CAMKK2: variants seen among roughly 807,000 people sequenced by gnomAD.
CAMKK2 encodes the protein calcium/calmodulin-dependent protein kinase kinase 2.
A neutral mutation model predicts 67.2 loss-of-function variants in CAMKK2; 30 were observed. The observed-to-expected ratio is 0.45, with a 90% CI of 0.33 to 0.61. The LOEUF is 0.61. Ranked by LOEUF, CAMKK2 falls within the 20% of genes least tolerant of loss-of-function variation. The pLI, the probability that CAMKK2 is intolerant of heterozygous loss-of-function variation, is 0.02. For synonymous variants in CAMKK2, 322 were observed against 326.2 expected (o/e 0.99, Z 0.14); for missense variants, 643 against 802.0 (o/e 0.80, Z 2.39).
intron 16 of CAMKK2, chr12:121,244,189 G>A: frequency 6.4e-7 from 1 of 1,572,578 alleles, no homozygotes; most frequent in Non-Finnish European, 8.7e-7. Context: ...GAGCCACACA[G>A]TGCAGCATGC....
intron 16 of CAMKK2, chr12:121,244,018 G>A: frequency 1.3e-6 from 2 of 1,559,164 alleles, no homozygotes; most frequent in Non-Finnish European, 1.7e-6. Flanking sequence ...CACCTGGGCT[G>A]GCTATGTGTA....
chr12:121,251,846 A>G lies in CAMKK2; in HGVS notation c.1161+815T>C, dbSNP rs868678657. On this transcript the variant is annotated intron_variant, in intron 11 of 16. Coordinates refer to ENST00000404169, the MANE Select transcript of CAMKK2 (RefSeq NM_001270485.2). ...CATCTCAAAAAAAAAAAAAAAAAAA[A>G]TAGAGAGAGAAGCCCCCAGATATCA... Among the ~76,000 whole-genome samples, 14 of 138,786 alleles carry G rather than the reference A, an allele frequency of 1.0e-4. No homozygotes were observed. In the South Asian group the frequency reaches 2.7e-3, roughly 27 times the overall value. The allele number at this position is 138,786 out of a possible 152,430, so 91.0% of individuals were successfully genotyped here.
At chr12:121,244,018 GGC>G in intron 16 of CAMKK2, 3 of 1,559,164 alleles carry the variant, frequency 1.9e-6, no homozygotes, top group Non-Finnish European at 2.6e-6. Context: ...CACCTGGGCT[GGC>G]TATGTGTATG....
chr12:121,240,354 A>G lies in CAMKK2; in HGVS notation c.*345T>C, dbSNP rs1414426067. The G allele has an allele frequency of 1.6e-6, 2 of 1,282,286 alleles. No individual in the cohort carries two copies. The highest frequency in any genetic ancestry group is 2.1e-6 in the Non-Finnish European group (2 of 938,398). The allele number at this position is 1,282,286 out of a possible 1,614,324, so 79.4% of individuals were successfully genotyped here. A position where few individuals can be genotyped will look rare whatever the true frequency, so the allele number is the denominator to read the frequency against. On this transcript the variant is annotated 3_prime_UTR_variant, in exon 17 of 17. Transcript: ENST00000404169. The surrounding 1 kb of genome is among the most constrained non-coding windows in gnomAD (Gnocchi z 4.4). ...TCCACAGTTGTCAAACCCCACACAC[A>G]GTCACTTGGTATATCTGACGTGGTT... is the stretch of plus-strand genomic sequence containing the variant.
intron 1 of CAMKK2, among the ~76,000 whole-genome samples, chr12:121,289,930 G>C (rs187172209): frequency 4.6e-5 from 7 of 151,264 alleles, no homozygotes; most frequent in Non-Finnish European, 7.4e-5. Flanking sequence ...GGGGAGCCAA[G>C]GGAGGCCTAA....
chr12:121,250,330 AAC>A (rs1406490342), intron 11 of CAMKK2, among the ~76,000 whole-genome samples: 1 of 152,150 alleles, frequency 6.6e-6, no homozygotes, highest in African/African-American at 2.4e-5. Context: ...CACCAAAGCA[AAC>A]ACTGCTCGTC....
intron 11 of CAMKK2, among the ~76,000 whole-genome samples, chr12:121,251,782 G>A (rs993162806): frequency 3.9e-4 from 54 of 139,374 alleles, no homozygotes; most frequent in Admixed American, 7.6e-4. Context: ...AGCCGAGATC[G>A]CACCACTACA....
chr12:121,244,619 G>C lies in CAMKK2; in HGVS notation c.1554-4C>G, dbSNP rs1164209562. 2 of 1,562,236 alleles carry C rather than the reference G, an allele frequency of 1.3e-6. No homozygotes were observed. Among genetic ancestry groups the C allele is most frequent in the Non-Finnish European group, 1.7e-6 (2 of 1,152,634 alleles). The stretch of plus-strand genomic sequence containing the variant: ...ACATTCCCTGGTTGGTTTTTTGCTG[G>C]AATCACCAGAGGGAGGGAAAAGGGA... On this transcript the variant is annotated splice_polypyrimidine_tract_variant and splice_region_variant and intron_variant, in intron 15 of 16. Coordinates refer to ENST00000404169, the MANE Select transcript of CAMKK2 (RefSeq NM_001270485.2).
chr12:121,256,959 TATTTA>T (rs1892417075), intron 7 of CAMKK2, among the ~76,000 whole-genome samples: 1 of 152,072 alleles, frequency 6.6e-6, no homozygotes. Flanking sequence ...GTGGTATAGT[TATTTA>T]ATTTGATTCT....
rs574486426 is a variant in CAMKK2 at position 121,240,551 on chromosome 12, C to T, written c.*148G>A. 1.3e-4 allele frequency: 196 copies of T among 1,510,942 alleles called. 2 individuals are homozygous for T. In the South Asian group the frequency reaches 2.3e-3, roughly 18 times the overall value. The allele number at this position is 1,510,942 out of a possible 1,614,324, so 93.6% of individuals were successfully genotyped here. A position where few individuals can be genotyped will look rare whatever the true frequency, so the allele number is the denominator to read the frequency against. On this transcript the variant is annotated 3_prime_UTR_variant, in exon 17 of 17. Coordinates refer to ENST00000404169, the MANE Select transcript of CAMKK2 (RefSeq NM_001270485.2). The surrounding 1 kb of genome is among the most constrained non-coding windows in gnomAD (Gnocchi z 4.4). ...TTTTTTTTTTTTGTCCCCTTTAAAA[C>T]AACAAAGGAAAAAACAAATAACCAG...
In CAMKK2 at chr12:121,296,431, G is replaced by C. The variant is rs1901222242; in HGVS notation, c.-60+207C>G. Among the ~76,000 whole-genome samples the C allele has an allele frequency of 6.6e-6, 1 of 152,300 alleles. No individual in the cohort carries two copies. The highest frequency in any genetic ancestry group is 1.9e-4 in the East Asian group (1 of 5,160). Reference sequence around the variant, plus strand: ...CCCAGGGCGCCCAGAGGACGCGGGGGAAGGGCTGTCGGGGACCGTGTCCCT... The same window carrying C: ...CCCAGGGCGCCCAGAGGACGCGGGGCAAGGGCTGTCGGGGACCGTGTCCCT... On this transcript the variant is annotated intron_variant, in intron 1 of 16. Coordinates refer to ENST00000404169, the MANE Select transcript of CAMKK2 (RefSeq NM_001270485.2). The surrounding 1 kb of genome is among the most constrained non-coding windows in gnomAD (Gnocchi z 7.1).
rs1891190076 is a variant in CAMKK2 at position 121,253,407 on chromosome 12, GC to G, written c.972del (p.His325ThrfsTer9). On this transcript the variant is annotated frameshift_variant, in exon 10 of 17. Transcript: ENST00000404169. LOFTEE classifies it high-confidence loss of function. This position sits in a 1 kb window ranked among gnomAD's most constrained non-coding sequence, Gnocchi z 5.0. The stretch of plus-strand genomic sequence containing the variant: ...ACACCAAAGTCAGCGATCTTGATGT[GC>G]CCATCTTCTCCGACCAGGAGGTTGG... Reference protein sequence around the residue: ...KPSNLLVGEDGHIKIADFGVS... With the variant: ...KPSNLLVGEDXHIKIADFGVS... 6.2e-7 allele frequency: 1 copy of G among 1,614,038 alleles called. No individual in the cohort carries two copies. Among genetic ancestry groups the G allele is most frequent in the Non-Finnish European group, 8.5e-7 (1 of 1,180,026 alleles).
intron 13 of CAMKK2, among the ~76,000 whole-genome samples, chr12:121,249,417 T>C (rs538927028): frequency 6.6e-6 from 1 of 152,278 alleles, no homozygotes; most frequent in Non-Finnish European, 1.5e-5. Flanking sequence ...TGCTCATTAA[T>C]TTCCTCCCAT....
Position 121,264,036 on chromosome 12 carries a change from A to ATGCCAAAAGGTGGGAT in CAMKK2, c.626-98_626-97insATCCCACCTTTTGGCA. The ATGCCAAAAGGTGGGAT allele has an allele frequency of 1.2e-5, 15 of 1,262,058 alleles. No individual in the cohort carries two copies. In the African/African-American group the frequency reaches 2.0e-4, roughly 17 times the overall value. 78.2% of individuals were successfully genotyped at this position (1,262,058 alleles called of 1,614,324 possible). A position where few individuals can be genotyped will look rare whatever the true frequency, so the allele number is the denominator to read the frequency against. On this transcript the variant is annotated intron_variant, in intron 5 of 16. Coordinates refer to ENST00000404169, the MANE Select transcript of CAMKK2 (RefSeq NM_001270485.2). ...GATGCCAAAAGGTGGGATGCCAAAA[A>ATGCCAAAAGGTGGGAT]GCCACTCTGCAGGGCTGGAGTGGCT... is the stretch of plus-strand genomic sequence containing the variant.
rs142303735 is a variant in CAMKK2 at position 121,265,336 on chromosome 12, G to A, written c.626-1397C>T. ...GGGTGTGGGGAGGTGGGAGACACGC[G>A]TCATATAGCTGGAGAGAGGGGAAAG... On this transcript the variant is annotated intron_variant, in intron 5 of 16. Coordinates refer to ENST00000404169, the MANE Select transcript of CAMKK2 (RefSeq NM_001270485.2). 2.9e-3 allele frequency among the ~76,000 whole-genome samples: 437 copies of A among 149,448 alleles called. 1 individual carries two copies. The highest frequency in any genetic ancestry group is 0.01 in the African/African-American group (412 of 40,188).
chr12:121,255,238 A>ATATATAAT (rs1891713757), intron 9 of CAMKK2, among the ~76,000 whole-genome samples: 1 of 9,884 alleles, frequency 1.0e-4, no homozygotes, highest in African/African-American at 3.2e-4. Flanking sequence ...ATATAATTTT[A>ATATATAAT]TATATATATA....
intron 1 of CAMKK2, among the ~76,000 whole-genome samples, chr12:121,280,002 G>A (rs528496752): frequency 4.6e-5 from 7 of 152,328 alleles, no homozygotes; most frequent in Non-Finnish European, 5.9e-5. Flanking sequence ...AGGCTCCCCC[G>A]AGGTTGCCTC....
chr12:121,274,072 G>T lies in CAMKK2; in HGVS notation c.455C>A (p.Ser152Tyr). Residue 152 changes from serine to tyrosine, a missense_variant, in exon 2 of 17, where the codon TCC (serine) becomes TAC (tyrosine). Ser to Tyr is a moderately radical substitution (Grantham distance 144). This residue lies in a region of CAMKK2 where 483 missense variants were observed against 625.8 expected (regional missense o/e 0.77). Coordinates refer to ENST00000404169, the MANE Select transcript of CAMKK2 (RefSeq NM_001270485.2). ...CTCACGCACCTGCATACCCGTGATG[G>T]AGACGTGGTGAGACTCCACTGTCGG... ...RRPTVESHHV[S>Y]ITGMQDCVQL... The T allele has an allele frequency of 6.6e-7, 1 of 1,507,150 alleles. No individual in the cohort carries two copies. Among genetic ancestry groups the T allele is most frequent in the Non-Finnish European group, 8.9e-7 (1 of 1,127,730 alleles). The allele number at this position is 1,507,150 out of a possible 1,614,324, so 93.4% of individuals were successfully genotyped here.
intron 7 of CAMKK2, among the ~76,000 whole-genome samples, chr12:121,259,761 A>G (rs1233636221): frequency 6.6e-6 from 1 of 152,130 alleles, no homozygotes; most frequent in Non-Finnish European, 1.5e-5. Flanking sequence ...TTAAATATAA[A>G]ATTGTTTTTC....
Sources: gnomAD v4.1 joint callset for allele counts (sites outside exome capture counted in the v4.1 genomes callset) on GRCh38, gnomAD v4.1.1 for gene constraint, gnomAD v4.1.1 regional missense constraint, Gnocchi (gnomAD v3.1) non-coding constraint, MANE v1.5 for transcripts, NCBI Gene and HGNC (gene_info 2026-07-23, HGNC 2026-07-21) for gene names.